NOL4: variants seen among roughly 807,000 people sequenced by gnomAD.
NOL4 encodes the protein cancer/testis antigen 125.
NOL4 carries 17 observed loss-of-function variants against 75.9 expected under a neutral mutation model. The ratio of observed to expected loss-of-function variants is 0.22; its 90% CI spans 0.15 to 0.34. NOL4 has a LOEUF of 0.34. NOL4 is among the 10% of genes least tolerant of loss of function. NOL4 has a pLI of 1.00. For synonymous variants in NOL4, 292 were observed against 289.9 expected (o/e 1.01, Z -0.07); for missense variants, 614 against 793.5 (o/e 0.77, Z 2.72).
chr18:33,953,698 G>C lies in NOL4; in HGVS notation c.1428+3628C>G, dbSNP rs2069418518. Among the ~76,000 whole-genome samples, 2 of 152,152 alleles carry C rather than the reference G, an allele frequency of 1.3e-5. 1 individual carries two copies. Among genetic ancestry groups the C allele is most frequent in the South Asian group, 4.1e-4 (2 of 4,828 alleles). On this transcript the variant is annotated intron_variant, in intron 8 of 10. Transcript: ENST00000261592. Reference sequence around the variant, plus strand: ...AAGTGGAATATCAGTGGAGAAAATAGGTGCTGGAGAATATAGAGTTCAGTG... The same window carrying C: ...AAGTGGAATATCAGTGGAGAAAATACGTGCTGGAGAATATAGAGTTCAGTG...
At chr18:34,061,524 A>T (rs2077061107) in intron 5 of NOL4, among the ~76,000 whole-genome samples, 1 of 152,158 alleles carries the variant, frequency 6.6e-6, no homozygotes, top group Admixed American at 6.5e-5. Flanking sequence ...ATTACCTAAA[A>T]GGTCAACCAA....
At chr18:34,116,473 T>A (rs1480835707) in intron 2 of NOL4, among the ~76,000 whole-genome samples, 1 of 152,222 alleles carries the variant, frequency 6.6e-6, no homozygotes, top group East Asian at 1.9e-4. Context: ...TTTAACACAA[T>A]GCAGTTAAGG....
chr18:34,185,988 G>T (rs977694700), intron 1 of NOL4, among the ~76,000 whole-genome samples: 1 of 152,128 alleles, frequency 6.6e-6, no homozygotes, highest in Non-Finnish European at 1.5e-5. Context: ...TAGTGATTAG[G>T]TTTAAAACTA....
At chr18:33,962,203 T>C (rs1300684912) in intron 6 of NOL4, among the ~76,000 whole-genome samples, 1 of 152,140 alleles carries the variant, frequency 6.6e-6, no homozygotes, top group South Asian at 2.1e-4. Context: ...GACCCTTAAG[T>C]TGTATAATAC....
At chr18:34,054,718 T>G (rs968161824) in intron 5 of NOL4, among the ~76,000 whole-genome samples, 8 of 151,750 alleles carry the variant, frequency 5.3e-5, no homozygotes, top group African/African-American at 1.9e-4. Context: ...ATTACTGATT[T>G]AGGGAAGGAG....
chr18:33,903,185 G>A (rs2065841617), intron 9 of NOL4, among the ~76,000 whole-genome samples: 1 of 152,064 alleles, frequency 6.6e-6, no homozygotes, highest in East Asian at 1.9e-4. Flanking sequence ...TTACAATCAT[G>A]GTGAAAGGCA....
At chr18:33,907,002 GTTAC>G (rs955959191) in intron 9 of NOL4, among the ~76,000 whole-genome samples, 6 of 152,044 alleles carry the variant, frequency 3.9e-5, no homozygotes, top group Admixed American at 1.3e-4. Context: ...ATATAAATTA[GTTAC>G]TTAGTTTTCA....
intron 1 of NOL4, among the ~76,000 whole-genome samples, chr18:34,134,455 C>CAT (rs1263968474): frequency 9.7e-6 from 1 of 103,232 alleles, no homozygotes; most frequent in Admixed American, 1.0e-4. Flanking sequence ...GTGACACACA[C>CAT]ACACACACAC....
intron 2 of NOL4, among the ~76,000 whole-genome samples, chr18:34,123,594 GAGAT>G (rs1160069735): frequency 6.2e-5 from 9 of 145,304 alleles, no homozygotes; most frequent in Non-Finnish European, 9.0e-5. Flanking sequence ...TATATATAGA[GAGAT>G]AGATCTACAT....
At chr18:34,083,705 A>G (rs1301393239) in intron 5 of NOL4, among the ~76,000 whole-genome samples, 1 of 152,166 alleles carries the variant, frequency 6.6e-6, no homozygotes, top group Non-Finnish European at 1.5e-5. Flanking sequence ...TATGGCTGAG[A>G]GGTCTTTTAT....
At chr18:34,155,604 C>A (rs1012304719) in intron 1 of NOL4, among the ~76,000 whole-genome samples, 3 of 151,874 alleles carry the variant, frequency 2.0e-5, no homozygotes, top group African/African-American at 7.3e-5. Context: ...CAGCATGTTA[C>A]GGTACTGAAT....
At chr18:33,956,106 C>T (rs2069626502) in intron 8 of NOL4, among the ~76,000 whole-genome samples, 1 of 152,018 alleles carries the variant, frequency 6.6e-6, no homozygotes, top group South Asian at 2.1e-4. Flanking sequence ...TAAAGCTGTG[C>T]TTTTTATGGA....
chr18:34,181,614 T>C (rs2034042763), intron 1 of NOL4, among the ~76,000 whole-genome samples: 1 of 151,404 alleles, frequency 6.6e-6, no homozygotes. Flanking sequence ...AATAACACTA[T>C]CAAAGAAGTC....
intron 1 of NOL4, among the ~76,000 whole-genome samples, chr18:34,134,465 C>T (rs2080804711): frequency 1.4e-5 from 2 of 144,220 alleles, no homozygotes; most frequent in South Asian, 4.5e-4. Context: ...CACACACACA[C>T]ACACACACAC....
intron 1 of NOL4, among the ~76,000 whole-genome samples, chr18:34,148,439 A>G (rs1351715309): frequency 1.3e-5 from 2 of 152,148 alleles, no homozygotes; most frequent in African/African-American, 2.4e-5. Context: ...ATTTCAAAGA[A>G]CTTACTTATT....
intron 6 of NOL4, among the ~76,000 whole-genome samples, chr18:33,979,483 G>A (rs1316780981): frequency 6.6e-6 from 1 of 151,824 alleles, no homozygotes; most frequent in African/African-American, 2.4e-5. Flanking sequence ...CTAGTTAAGT[G>A]CAAAATAATG....
chr18:34,134,450 A>T (rs1347327973), intron 1 of NOL4, among the ~76,000 whole-genome samples: 1 of 6,544 alleles, frequency 1.5e-4, no homozygotes, highest in East Asian at 2.1e-3. Context: ...TCCAAGTGAC[A>T]CACACACACA....
At chr18:34,130,134 T>C (rs978635832) in intron 1 of NOL4, 114 bp from the exon 2 acceptor site, 7 of 983,578 alleles carry the variant, frequency 7.1e-6, no homozygotes, top group African/African-American at 3.4e-5. Flanking sequence ...ATCATCTATA[T>C]AGGAAACGTC....
intron 1 of NOL4, among the ~76,000 whole-genome samples, chr18:34,154,216 G>A (rs549590702): frequency 2.6e-5 from 4 of 152,078 alleles, no homozygotes; most frequent in South Asian, 2.1e-4. Flanking sequence ...ACTTAATACA[G>A]TAGTTAATGA....
Sources: allele counts gnomAD v4.1 joint callset (sites outside exome capture counted in the v4.1 genomes callset), GRCh38; gene constraint gnomAD v4.1.1; transcripts MANE v1.5; gene names NCBI Gene and HGNC (gene_info 2026-07-23, HGNC 2026-07-21).